Variants in ATG10 observed in about 807,000 individuals in gnomAD.
The protein encoded by ATG10 is autophagy related 10.
Under a neutral mutation model 32.1 loss-of-function variants are expected in ATG10, and 30 were observed. The ratio of observed to expected loss-of-function variants is 0.94; its 90% confidence interval spans 0.70 to 1.27. The LOEUF is 1.27. Among genes scored for constraint, ATG10 ranks in the 50% most tolerant of loss-of-function variants. The probability of loss-of-function intolerance (pLI) is 0.00; values close to 1 mark genes in which losing one functional copy is unlikely to be tolerated. For missense variants in ATG10, 233 were observed against 262.3 expected (o/e 0.89, Z 0.77); for synonymous variants, 87 against 91.5 (o/e 0.95, Z 0.28).
intron 5 of ATG10, among the ~76,000 whole-genome samples, chr5:82,189,261 G>C (rs560190550): frequency 6.6e-6 from 1 of 152,248 alleles, no homozygotes; most frequent in Non-Finnish European, 1.5e-5. Context: ...CATAAACTAA[G>C]GAAAGATTTT....
intron 5 of ATG10, among the ~76,000 whole-genome samples, chr5:82,192,217 G>A (rs993815927): frequency 3.9e-5 from 6 of 152,188 alleles, no homozygotes; most frequent in Non-Finnish European, 8.8e-5. Context: ...GTTCACTGGA[G>A]TGGGGATGTG....
chr5:82,009,238 T>C (rs1762062964), intron 2 of ATG10, among the ~76,000 whole-genome samples: 1 of 152,204 alleles, frequency 6.6e-6, no homozygotes, highest in African/African-American at 2.4e-5. Flanking sequence ...ACTGATTAAT[T>C]GCTCTTTTGG....
At chr5:82,210,802 A>T (rs1212257372) in intron 5 of ATG10, among the ~76,000 whole-genome samples, 1 of 152,182 alleles carries the variant, frequency 6.6e-6, no homozygotes, top group Non-Finnish European at 1.5e-5. Flanking sequence ...GGCTGCAAGG[A>T]AAATAGAGTC....
intron 3 of ATG10, among the ~76,000 whole-genome samples, chr5:82,063,284 G>A (rs1000697927): frequency 5.9e-5 from 9 of 151,922 alleles, no homozygotes; most frequent in African/African-American, 1.2e-4. Flanking sequence ...ACAGCACTGC[G>A]CTCTATCTAA....
intron 3 of ATG10, among the ~76,000 whole-genome samples, chr5:82,141,171 C>T (rs867552276): frequency 1.3e-3 from 184 of 146,272 alleles, no homozygotes; most frequent in African/African-American, 4.2e-3. Flanking sequence ...ACTATTGTCC[C>T]ATGACCCTGC....
intron 2 of ATG10, among the ~76,000 whole-genome samples, chr5:82,039,745 A>T (rs768955976): frequency 6.6e-6 from 1 of 152,242 alleles, no homozygotes; most frequent in East Asian, 1.9e-4. Flanking sequence ...TGTTTCAGCT[A>T]TGTCTTGCTT....
intron 3 of ATG10, 37 bp downstream of exon 3, chr5:82,058,639 C>T (rs569857456): frequency 8.6e-6 from 12 of 1,391,072 alleles, no homozygotes; most frequent in East Asian, 4.6e-5. Flanking sequence ...TTTCAGTCTC[C>T]GTAAAGTATA....
At chr5:82,055,930 A>G (rs1763579829) in intron 2 of ATG10, among the ~76,000 whole-genome samples, 1 of 152,200 alleles carries the variant, frequency 6.6e-6, no homozygotes, top group Admixed American at 6.6e-5. Context: ...AACATGCTGT[A>G]CAGGTTTGCA....
At chr5:81,999,802 C>T (rs866409702) in intron 2 of ATG10, among the ~76,000 whole-genome samples, 7 of 152,142 alleles carry the variant, frequency 4.6e-5, no homozygotes, top group South Asian at 2.1e-4. Flanking sequence ...TGGATAAATT[C>T]CTGGAAACAT....
At chr5:82,049,093 G>A (rs1763317623) in intron 2 of ATG10, among the ~76,000 whole-genome samples, 1 of 151,506 alleles carries the variant, frequency 6.6e-6, no homozygotes, top group Non-Finnish European at 1.5e-5. Flanking sequence ...AAAGACACAT[G>A]CACACGTATG....
chr5:82,160,505 G>T (rs1486720201), intron 3 of ATG10, among the ~76,000 whole-genome samples: 1 of 152,102 alleles, frequency 6.6e-6, no homozygotes, highest in African/African-American at 2.4e-5. Context: ...TCAATGCTCT[G>T]GGATAAATCC....
chr5:82,253,852 C>G (rs1014363391), intron 7 of ATG10, among the ~76,000 whole-genome samples: 2 of 152,212 alleles, frequency 1.3e-5, no homozygotes, highest in Non-Finnish European at 2.9e-5. Flanking sequence ...AAACCATCTC[C>G]CATTCGGTCT....
At chr5:82,008,667 A>G (rs1762046469) in intron 2 of ATG10, among the ~76,000 whole-genome samples, 1 of 152,220 alleles carries the variant, frequency 6.6e-6, no homozygotes, top group Non-Finnish European at 1.5e-5. Context: ...CTGTATTTCA[A>G]AAAGCCTTGT....
intron 3 of ATG10, among the ~76,000 whole-genome samples, chr5:82,142,028 C>A (rs1767172727): frequency 6.6e-6 from 1 of 152,174 alleles, no homozygotes; most frequent in African/African-American, 2.4e-5. Flanking sequence ...AAATAATTCT[C>A]CTTCTACCAG....
intron 2 of ATG10, among the ~76,000 whole-genome samples, chr5:82,006,419 C>A (rs1761986882): frequency 6.6e-6 from 1 of 152,184 alleles, no homozygotes; most frequent in Non-Finnish European, 1.5e-5. Flanking sequence ...CAATTATCGA[C>A]TCACAGCCAG....
At chr5:82,156,883 T>C (rs1037912654) in intron 3 of ATG10, among the ~76,000 whole-genome samples, 4 of 152,242 alleles carry the variant, frequency 2.6e-5, no homozygotes, top group Admixed American at 2.0e-4. Context: ...TTTTGTAGCA[T>C]GGACTCTAAG....
chr5:82,179,784 C>T (rs1744163603), intron 5 of ATG10, among the ~76,000 whole-genome samples: 2 of 152,094 alleles, frequency 1.3e-5, no homozygotes, highest in African/African-American at 4.8e-5. Flanking sequence ...TTTATGCCCT[C>T]TTATGTGTTT....
intron 2 of ATG10, among the ~76,000 whole-genome samples, chr5:82,032,786 G>C (rs969586787): frequency 6.6e-6 from 1 of 151,056 alleles, no homozygotes. Context: ...ATTATTAATG[G>C]CTAATACTTA....
chr5:82,039,545 A>G (rs1763024733), intron 2 of ATG10, among the ~76,000 whole-genome samples: 1 of 152,232 alleles, frequency 6.6e-6, no homozygotes, highest in African/African-American at 2.4e-5. Context: ...AATGTAGCAT[A>G]CAATTACGGT....
Sources: gnomAD v4.1 joint callset for allele counts (sites outside exome capture counted in the v4.1 genomes callset) on GRCh38, gnomAD v4.1.1 for gene constraint, MANE v1.5 for transcripts, NCBI Gene and HGNC (gene_info 2026-07-23, HGNC 2026-07-21) for gene names.